Variants in NEK11 observed in about 807,000 individuals in gnomAD.
NEK11 encodes the protein NIMA related kinase 11.
Under a neutral mutation model 80.7 loss-of-function variants are expected in NEK11, and 72 were observed. The observed-to-expected ratio is 0.89, with a 90% CI of 0.74 to 1.08. The LOEUF (loss-of-function observed/expected upper bound fraction) is 1.08. NEK11 is among the 50% of genes least tolerant of loss of function. NEK11 has a pLI of 0.00. For missense variants in NEK11, 764 were observed against 763.6 expected, an observed-to-expected ratio of 1.00 and a Z score of -0.01; for synonymous variants, 251 against 260.7, an observed-to-expected ratio of 0.96 and a Z score of 0.36.
intron 13 of NEK11, among the ~76,000 whole-genome samples, 184 bp from the exon 14 acceptor site, chr3:131,170,589 G>C (rs1467398589): frequency 6.6e-6 from 1 of 152,204 alleles, no homozygotes. Context: ...AAGGTCACCT[G>C]TCTCATTGAT....
intron 17 of NEK11, among the ~76,000 whole-genome samples, chr3:131,339,219 T>A (rs1582391009): frequency 2.0e-5 from 3 of 152,206 alleles, no homozygotes; most frequent in African/African-American, 7.2e-5. Context: ...AAGTGTCTAT[T>A]TTCTTCTGGC....
In NEK11 at chr3:131,109,867, A is replaced by C. The variant is rs1387342634; in HGVS notation, c.401A>C (p.Gln134Pro). ...GCTGGAAAAATCTTTCCAGAAAATC[A>C]AATAATAGAATGGTTTATCCAGCTG... The part of the protein sequence containing the change: ...KQAGKIFPEN[Q>P]IIEWFIQLLL... Residue 134 changes from glutamine to proline, a missense_variant, in exon 5 of 18, where the codon CAA becomes CCA. Gln to Pro is a moderately conservative substitution (Grantham distance 76). Coordinates refer to ENST00000383366, the MANE Select transcript of NEK11 (RefSeq NM_024800.5). The C allele has an allele frequency of 1.2e-6, 2 of 1,604,504 alleles. No individual in the cohort carries two copies. The highest frequency in any genetic ancestry group is 1.1e-5 in the South Asian group (1 of 88,982).
chr3:131,148,909 T>G (rs2089024440), intron 7 of NEK11, among the ~76,000 whole-genome samples: 1 of 151,938 alleles, frequency 6.6e-6, no homozygotes, highest in Non-Finnish European at 1.5e-5. Flanking sequence ...GATATATTGA[T>G]ACAAGCTTAC....
intron 10 of NEK11, among the ~76,000 whole-genome samples, chr3:131,156,387 T>C (rs993894936): frequency 6.6e-6 from 1 of 152,214 alleles, no homozygotes; most frequent in African/African-American, 2.4e-5. Context: ...AAAGGTCTTC[T>C]ATAGTATTGG....
At chr3:131,223,034 G>A (rs2095073223) in intron 14 of NEK11, among the ~76,000 whole-genome samples, 1 of 152,122 alleles carries the variant, frequency 6.6e-6, no homozygotes, top group African/African-American at 2.4e-5. Context: ...TTCTGTTACT[G>A]CTTGCCTGGC....
Position 131,350,030 on chromosome 3 carries a change from T to C in NEK11, c.*254T>C, listed in dbSNP as rs551376560. 2.0e-3 allele frequency: 882 copies of C among 433,880 alleles called. 3 individuals are homozygous for C. Among genetic ancestry groups the C allele is most frequent in the Non-Finnish European group, 2.7e-3 (654 of 238,586 alleles). The allele number at this position is 433,880 out of a possible 1,614,324, so 26.9% of individuals were successfully genotyped here. A position where few individuals can be genotyped will look rare whatever the true frequency, so the allele number is the denominator to read the frequency against. On this transcript the variant is annotated 3_prime_UTR_variant, in exon 18 of 18. Coordinates refer to ENST00000383366, the MANE Select transcript of NEK11 (RefSeq NM_024800.5). ...CAAGTTTGGCTCCCTTGAAAAGCAT[T>C]TCTCTCATGTGCGCCCTCAGGGCTT...
chr3:131,064,351 TGCTCTCCTTGGCTTGTAGATG>T (rs1272032839), intron 3 of NEK11, among the ~76,000 whole-genome samples: 1 of 152,204 alleles, frequency 6.6e-6, no homozygotes, highest in Non-Finnish European at 1.5e-5. Context: ...TTTCTGAGGC[TGCTCTCCTTGGCTTGTAGATG>T]GCCACCTCCT....
At chr3:131,156,030 T>C (rs1468758229) in intron 10 of NEK11, among the ~76,000 whole-genome samples, 1 of 152,198 alleles carries the variant, frequency 6.6e-6, no homozygotes, top group African/African-American at 2.4e-5. Context: ...TAACTAGAGA[T>C]GTAAGAGTAG....
At chr3:131,314,604 G>C (rs989623456) in intron 17 of NEK11, among the ~76,000 whole-genome samples, 4 of 152,200 alleles carry the variant, frequency 2.6e-5, no homozygotes, top group Non-Finnish European at 4.4e-5. Context: ...AACATCACAA[G>C]GTGGCATACA....
At chr3:131,199,581 G>T (rs2094152131) in intron 14 of NEK11, among the ~76,000 whole-genome samples, 1 of 151,380 alleles carries the variant, frequency 6.6e-6, no homozygotes, top group Non-Finnish European at 1.5e-5. Flanking sequence ...TCTGGGTGTT[G>T]AGAATACAAT....
At chr3:131,165,252 A>AAG in intron 11 of NEK11, 174 bp from the exon 12 acceptor site, 1 of 565,084 alleles carries the variant, frequency 1.8e-6, no homozygotes, top group South Asian at 2.4e-5. Flanking sequence ...TGTGCTTTAA[A>AAG]AGAGAATCAG....
rs77486257 is a variant in NEK11, at chr3:131,133,966, C to G, written c.647+10C>G. On this transcript the variant is annotated intron_variant, in intron 7 of 17. Transcript: ENST00000383366. The stretch of plus-strand genomic sequence containing the variant: ...CAAAGTCGGACATCTGGTGAGTGGG[C>G]TAGTGGGCTAGACTCTTCATCTGCT... 12 of 1,604,096 alleles carry G rather than the reference C, an allele frequency of 7.5e-6. No homozygotes were observed. The African/African-American group carries it at 1.6e-4, about 21-fold the overall frequency.
intron 17 of NEK11, among the ~76,000 whole-genome samples, chr3:131,304,206 T>C (rs924194072): frequency 6.6e-6 from 1 of 152,264 alleles, no homozygotes; most frequent in Non-Finnish European, 1.5e-5. Context: ...CTGGTATTAC[T>C]ATTTGCAATT....
At chr3:131,345,726 C>T (rs922612768) in intron 17 of NEK11, among the ~76,000 whole-genome samples, 2 of 152,124 alleles carry the variant, frequency 1.3e-5, no homozygotes, top group African/African-American at 4.8e-5. Flanking sequence ...AAAGATATCT[C>T]CCATGTTCAT....
intron 17 of NEK11, among the ~76,000 whole-genome samples, chr3:131,281,976 G>T (rs1212454615): frequency 6.6e-6 from 1 of 152,136 alleles, no homozygotes; most frequent in Non-Finnish European, 1.5e-5. Flanking sequence ...ATCTAAATTT[G>T]GAGTGGAAGG....
chr3:131,266,555 T>C (rs2108563619), intron 16 of NEK11, among the ~76,000 whole-genome samples: 1 of 152,380 alleles, frequency 6.6e-6, no homozygotes, highest in South Asian at 2.1e-4. Flanking sequence ...TTGATTGCAC[T>C]GTGGTCTGAG....
intron 16 of NEK11, among the ~76,000 whole-genome samples, chr3:131,254,078 T>C (rs1294675968): frequency 6.6e-6 from 1 of 152,192 alleles, no homozygotes; most frequent in East Asian, 1.9e-4. Context: ...CCTGAATCTG[T>C]TGCGTTCTTT....
chr3:131,152,815 GAA>G, intron 9 of NEK11, 106 bp downstream of exon 9: 1 of 849,938 alleles, frequency 1.2e-6, no homozygotes, highest in South Asian at 1.7e-5. Context: ...GAATCAACCA[GAA>G]AGGAGGAAAA....
intron 17 of NEK11, among the ~76,000 whole-genome samples, chr3:131,309,634 G>A (rs1474574766): frequency 1.3e-5 from 2 of 150,724 alleles, no homozygotes; most frequent in Non-Finnish European, 2.9e-5. Context: ...AATATTATCT[G>A]CCGAAGTGGA....
Sources: gnomAD v4.1 joint callset for allele counts (sites outside exome capture counted in the v4.1 genomes callset) on GRCh38, gnomAD v4.1.1 for gene constraint, MANE v1.5 for transcripts, NCBI Gene and HGNC (gene_info 2026-07-23, HGNC 2026-07-21) for gene names.